Variants in SGCD observed in about 807,000 individuals in gnomAD.
SGCD encodes delta-sarcoglycan.
SGCD carries 18 observed loss-of-function variants against 36.6 expected under a neutral mutation model. The observed-to-expected ratio is 0.49, with a 90% CI of 0.34 to 0.73. The LOEUF is 0.73. SGCD is among the 30% of genes least tolerant of loss of function. The pLI is 0.01. For missense variants in SGCD, 387 were observed against 346.7 expected (o/e 1.12, Z -0.92); for synonymous variants, 133 against 130.6 (o/e 1.02, Z -0.12).
intron 3 of SGCD, among the ~76,000 whole-genome samples, chr5:156,406,370 A>AT (rs1469345480): frequency 6.6e-6 from 1 of 151,940 alleles, no homozygotes; most frequent in Non-Finnish European, 1.5e-5. Flanking sequence ...TCCTGCAGCC[A>AT]TCCTTGTGCA....
chr5:156,214,462 C>A (rs747999885), intron 3 of SGCD, among the ~76,000 whole-genome samples: 3 of 151,642 alleles, frequency 2.0e-5, no homozygotes, highest in Non-Finnish European at 4.4e-5. Flanking sequence ...ATTAAAGAAG[C>A]CATAAATAAA....
Position 156,647,472 on chromosome 5 carries a change from G to T in SGCD, c.511G>T (p.Gly171Cys). 1.3e-6 allele frequency: 2 copies of T among 1,583,052 alleles called. No homozygotes were observed. Among genetic ancestry groups the T allele is most frequent in the East Asian group, 2.3e-5 (1 of 43,892 alleles). ...TTCTGTTTTGTTTACAGGAGCGGAG[G>T]GCACAGTGTTCCCTAAATCTATAGA... Reference protein sequence around the residue: ...AERLRVLGAEGTVFPKSIETP... With the variant: ...AERLRVLGAECTVFPKSIETP... The change falls in exon 7 of 9, where the codon GGC (glycine) becomes TGC (cysteine). Residue 171 changes from glycine (G) to cysteine (C), a missense_variant. Physicochemically the swap from Gly to Cys is radical, Grantham distance 159. Coordinates refer to ENST00000337851, the MANE Select transcript of SGCD (RefSeq NM_000337.6).
chr5:156,073,797 G>A (rs1272922283), intron 1 of SGCD, among the ~76,000 whole-genome samples: 1 of 152,178 alleles, frequency 6.6e-6, no homozygotes, highest in Non-Finnish European at 1.5e-5. Context: ...TGTGCTTTTA[G>A]CCACAGGGGT....
chr5:156,191,289 T>A (rs1763886522), intron 3 of SGCD, among the ~76,000 whole-genome samples: 1 of 152,134 alleles, frequency 6.6e-6, no homozygotes, highest in Non-Finnish European at 1.5e-5. Flanking sequence ...ATAATTCCAG[T>A]TCCTCGAATC....
At chr5:156,449,445 G>A (rs1753897949) in intron 3 of SGCD, among the ~76,000 whole-genome samples, 1 of 152,006 alleles carries the variant, frequency 6.6e-6, no homozygotes, top group South Asian at 2.1e-4. Context: ...ACAAATAAGT[G>A]AGTAAAAGAA....
chr5:155,781,068 A>G, the SGCD span, among the ~76,000 whole-genome samples: 1 of 152,306 alleles, frequency 6.6e-6, no homozygotes, highest in East Asian at 1.9e-4. Flanking sequence ...GAGACTTTCA[A>G]TTTTATTTAA....
intron 1 of SGCD, among the ~76,000 whole-genome samples, chr5:155,948,577 T>G (rs555948594): frequency 8.5e-5 from 13 of 152,294 alleles, no homozygotes; most frequent in African/African-American, 2.9e-4. Context: ...ACCAGCTTGG[T>G]GCTCTCTTCT....
chr5:156,527,691 A>G (rs1376377533), intron 4 of SGCD, among the ~76,000 whole-genome samples: 1 of 152,118 alleles, frequency 6.6e-6, no homozygotes, highest in Admixed American at 6.6e-5. Context: ...TAAGTCATGA[A>G]ATATTTTTAA....
At chr5:156,234,464 ATGG>A (rs1423237649) in intron 3 of SGCD, among the ~76,000 whole-genome samples, 4 of 152,182 alleles carry the variant, frequency 2.6e-5, no homozygotes, top group African/African-American at 9.6e-5. Context: ...TAATGGCTCT[ATGG>A]AGGTTCATTA....
chr5:156,581,717 A>G (rs145300233), intron 4 of SGCD, among the ~76,000 whole-genome samples: 7 of 152,296 alleles, frequency 4.6e-5, no homozygotes, highest in South Asian at 4.1e-4. Context: ...TGGGTGTGGG[A>G]CCTGCTGAAC....
chr5:156,655,897 G>A (rs1763653427), intron 7 of SGCD, among the ~76,000 whole-genome samples: 4 of 151,960 alleles, frequency 2.6e-5, no homozygotes, highest in Admixed American at 2.6e-4. Flanking sequence ...CAGGAAATAG[G>A]CCATTCAGTT....
chr5:156,135,571 A>G (rs959957733), intron 3 of SGCD, among the ~76,000 whole-genome samples: 2 of 152,110 alleles, frequency 1.3e-5, no homozygotes, highest in Admixed American at 6.5e-5. Flanking sequence ...TTTTCTGTCC[A>G]GCTTCCAGTT....
intron 7 of SGCD, among the ~76,000 whole-genome samples, chr5:156,681,588 G>C (rs1488576909): frequency 2.0e-5 from 3 of 152,194 alleles, no homozygotes; most frequent in African/African-American, 7.2e-5. Context: ...GTATCAATAT[G>C]TTGGAAGTAT....
intron 3 of SGCD, among the ~76,000 whole-genome samples, chr5:156,267,699 A>G (rs6891033): frequency 0.07 from 10,537 of 150,212 alleles, 375 homozygotes; most frequent in African/African-American, 0.089. Flanking sequence ...TTTTTTGATA[A>G]AAGTTTAGGC....
At chr5:156,447,594 C>A (rs536925968) in intron 3 of SGCD, among the ~76,000 whole-genome samples, 5 of 152,130 alleles carry the variant, frequency 3.3e-5, no homozygotes, top group Admixed American at 2.0e-4. Context: ...CAAGTAGGAG[C>A]CGAACAACAA....
chr5:156,305,677 A>G (rs950303385), intron 3 of SGCD, among the ~76,000 whole-genome samples: 3 of 152,304 alleles, frequency 2.0e-5, no homozygotes, highest in Admixed American at 1.3e-4. Flanking sequence ...ATCCACCAAC[A>G]GCTTGCACCA....
At chr5:156,705,331 G>C (rs10036695) in intron 7 of SGCD, among the ~76,000 whole-genome samples, 35 of 152,060 alleles carry the variant, frequency 2.3e-4, no homozygotes, top group African/African-American at 7.5e-4. Flanking sequence ...AATTTATACT[G>C]TCCTGTCCAT....
rs1015602532 is a variant in SGCD at position 155,901,702 on chromosome 5, C to A, written c.-282+31278C>A. 4.6e-5 allele frequency among the ~76,000 whole-genome samples: 7 copies of A among 152,320 alleles called. No homozygotes were observed. In the South Asian group the frequency reaches 8.3e-4, roughly 18 times the overall value. On this transcript the variant is annotated intron_variant, in intron 1 of 9. Transcript: ENST00000517913. ...ACATATCTGAAAGCTTCTGGAATCA[C>A]CTATTTGGCATCTAGCTGAGTAGAT... is the stretch of plus-strand genomic sequence containing the variant.
chr5:156,428,391 A>G (rs62382687), intron 3 of SGCD, among the ~76,000 whole-genome samples: 2 of 151,900 alleles, frequency 1.3e-5, no homozygotes, highest in Non-Finnish European at 2.9e-5. Flanking sequence ...AATATCTCCC[A>G]TTTCATTTCT....
Sources: gnomAD v4.1 joint callset for allele counts (sites outside exome capture counted in the v4.1 genomes callset) on GRCh38, gnomAD v4.1.1 for gene constraint, MANE v1.5 for transcripts, NCBI Gene and HGNC (gene_info 2026-07-23, HGNC 2026-07-21) for gene names.